Variants in SETD7 observed in about 807,000 individuals in gnomAD.
SETD7 encodes the protein histone-lysine N-methyltransferase SETD7.
In SETD7, 16 loss-of-function variants were observed where a neutral mutation model predicts 41.8. That is an observed-to-expected ratio of 0.38 (90% CI 0.26 to 0.58). The LOEUF is 0.58. Ranked by LOEUF, SETD7 falls within the 20% of genes least tolerant of loss-of-function variation. The probability of loss-of-function intolerance (pLI) is 0.64; values close to 1 mark genes in which losing one functional copy is unlikely to be tolerated. For synonymous variants in SETD7, 163 were observed against 169.7 expected (o/e 0.96, Z 0.31); for missense variants, 346 against 459.7 (o/e 0.75, Z 2.26).
At chr4:139,517,437 T>C (rs542098227) in intron 7 of SETD7, among the ~76,000 whole-genome samples, 27 of 143,286 alleles carry the variant, frequency 1.9e-4, no homozygotes, top group Middle Eastern at 7.5e-3. Flanking sequence ...ATCTCGCCAT[T>C]GCACTCCAGC....
In SETD7 at chr4:139,529,133, C is replaced by T. The variant is rs76651232; in HGVS notation, c.460G>A (p.Ala154Thr). The T allele has an allele frequency of 1.0e-3, 1,636 of 1,613,924 alleles. 2 individuals are homozygous for T. The highest frequency in any genetic ancestry group is 2.3e-3 in the African/African-American group (173 of 75,020). ...CCATCAATAAATTTCCCATAAAGTG[C>T]GGTCCTCTCATCAGGGTACACATAG... ...IAYVYPDERT[A>T]LYGKFIDGEM... The change falls in exon 4 of 8, where the codon GCA becomes ACA. Residue 154 changes from alanine (A) to threonine (T), a missense_variant. By Grantham distance (58) the Ala-to-Thr change is moderately conservative. This residue lies in a region of SETD7 where 266 missense variants were observed against 377.0 expected (regional missense o/e 0.71). Transcript: ENST00000274031.
chr4:139,532,952 G>A (rs989623984), intron 3 of SETD7: 13 of 580,178 alleles, frequency 2.2e-5, no homozygotes, highest in Admixed American at 9.4e-5. Flanking sequence ...CCAAAACAAC[G>A]CTGAAAAATA....
intron 1 of SETD7, 29 bp from the exon 2 acceptor site, chr4:139,547,078 T>C (rs773984019): frequency 3.1e-6 from 5 of 1,612,496 alleles, no homozygotes; most frequent in Non-Finnish European, 4.2e-6. Context: ...AAGGCAAACC[T>C]TAACATCTTC....
intron 3 of SETD7, among the ~76,000 whole-genome samples, chr4:139,531,637 T>C (rs757535965): frequency 6.6e-6 from 1 of 152,238 alleles, no homozygotes; most frequent in Non-Finnish European, 1.5e-5. Flanking sequence ...TTAGAAAATG[T>C]TTTACAACAT....
In SETD7 at chr4:139,517,932, C is replaced by T. The variant is rs768510990; in HGVS notation, c.873G>A (p.Leu291=). 23 of 1,613,734 alleles carry T rather than the reference C, an allele frequency of 1.4e-5. No homozygotes were observed. The East Asian group carries it at 4.5e-4, about 31-fold the overall frequency. The change falls in exon 7 of 8, where the codon TTG becomes TTA. Residue 291 remains leucine (L), a synonymous_variant. Transcript: ENST00000274031. ...TGAAGGAGTGATTTGCCTTGTGTCC[C>T]AAGGAGGCACAGTACTTGGATACGT... is the stretch of plus-strand genomic sequence containing the variant. ...YNHVSKYCAS[L]GHKANHSFTP...
chr4:139,515,500 G>A (rs1727001189), intron 7 of SETD7, among the ~76,000 whole-genome samples: 1 of 152,206 alleles, frequency 6.6e-6, no homozygotes, highest in African/African-American at 2.4e-5. Context: ...GTGGTCTTAA[G>A]TAGCATTTAT....
rs923034562 is a variant in SETD7 at position 139,551,538 on chromosome 4, T to C, written c.41-4489A>G. 2.6e-5 allele frequency among the ~76,000 whole-genome samples: 4 copies of C among 152,192 alleles called. 1 individual carries two copies. The highest frequency in any genetic ancestry group is 2.0e-4 in the Admixed American group (3 of 15,272). ...TCCTGAATCTGATAAGAGCCAGGCC[T>C]ATATTCTAAGCAGCAATGTACATCT... On this transcript the variant is annotated intron_variant, in intron 1 of 7. Transcript: ENST00000274031.
intron 6 of SETD7, among the ~76,000 whole-genome samples, chr4:139,518,462 T>TAAAAC (rs1297119009): frequency 9.2e-5 from 14 of 151,988 alleles, no homozygotes; most frequent in Middle Eastern, 3.4e-3. Flanking sequence ...CAAAATGAAA[T>TAAAAC]AAAACAAAAC....
chr4:139,502,408 C>T (rs967107201), downstream of SETD7, among the ~76,000 whole-genome samples: 3 of 152,106 alleles, frequency 2.0e-5, no homozygotes, highest in Non-Finnish European at 4.4e-5. Flanking sequence ...CAATGAAGTC[C>T]TCATGCAGCA....
At position 139,509,561 on chromosome 4, in the gene SETD7, G is replaced by T; in HGVS notation, c.*2102C>A. The stretch of plus-strand genomic sequence containing the variant: ...TCATTCAGAGCATAGCTGCATCGGG[G>T]GCATGACCAGCACTATCCTCTCCCT... On this transcript the variant is annotated 3_prime_UTR_variant, in exon 8 of 8. Coordinates refer to ENST00000274031, the MANE Select transcript of SETD7 (RefSeq NM_030648.4). The T allele has an allele frequency of 4.2e-6, 1 of 237,644 alleles. No individual in the cohort carries two copies. The highest frequency in any genetic ancestry group is 6.8e-6 in the Non-Finnish European group (1 of 146,252). 14.7% of individuals were successfully genotyped at this position (237,644 alleles called of 1,614,324 possible).
chr4:139,548,368 C>T lies in SETD7; in HGVS notation c.41-1319G>A, dbSNP rs113814006. On this transcript the variant is annotated intron_variant, in intron 1 of 7. Transcript: ENST00000274031. Reference sequence around the variant, plus strand: ...ATATGCGGCCGGGCATGGTGGCTCACGCCTATAATCCCAGCACTTTGGGAG... The same window carrying T: ...ATATGCGGCCGGGCATGGTGGCTCATGCCTATAATCCCAGCACTTTGGGAG... Among the ~76,000 whole-genome samples, 94 of 152,172 alleles carry T rather than the reference C, an allele frequency of 6.2e-4. 1 individual carries two copies. Among genetic ancestry groups the T allele is most frequent in the Non-Finnish European group, 2.2e-4 (15 of 68,020 alleles).
In SETD7 at chr4:139,511,081, C is replaced by G. The variant is rs1006186869; in HGVS notation, c.*582G>C. 1 of 152,566 alleles carries G rather than the reference C, an allele frequency of 6.6e-6. No homozygotes were observed. Among genetic ancestry groups the G allele is most frequent in the African/African-American group, 2.4e-5 (1 of 41,416 alleles). The allele number at this position is 152,566 out of a possible 1,614,324, so 9.5% of individuals were successfully genotyped here. ...GGAAGTTTTCTCTTGTAAAGGGTAT[C>G]TAAGAAAGAGAATAGGGCTGAGGGG... On this transcript the variant is annotated 3_prime_UTR_variant, in exon 8 of 8. Coordinates refer to ENST00000274031, the MANE Select transcript of SETD7 (RefSeq NM_030648.4).
rs959054887 is a variant in SETD7, at chr4:139,546,911, G to C, written c.170+9C>G. The C allele has an allele frequency of 2.5e-6, 4 of 1,614,158 alleles. No homozygotes were observed. The highest frequency in any genetic ancestry group is 1.6e-4 in the Middle Eastern group (1 of 6,062). On this transcript the variant is annotated intron_variant, in intron 2 of 7. Transcript: ENST00000274031. ...CCCCCAAAGAACAAAATAAAACTGT[G>C]AGTGCTACCTGCCATCAAAGAAGAA...
intron 3 of SETD7, among the ~76,000 whole-genome samples, chr4:139,529,557 T>A (rs1290756209): frequency 6.6e-6 from 1 of 152,216 alleles, no homozygotes; most frequent in Non-Finnish European, 1.5e-5. Context: ...TTGATATTTG[T>A]AACATCAATT....
rs1176576169 is a variant in SETD7, at chr4:139,529,194, T to C, written c.399A>G (p.Val133=). Residue 133 remains valine, a synonymous_variant, in exon 4 of 8, where the codon GTA becomes GTG. Coordinates refer to ENST00000274031, the MANE Select transcript of SETD7 (RefSeq NM_030648.4). ...YPDGGSLVGE[V]NEDGEMTGEK... Reference sequence around the variant, plus strand: ...CTCCAGTCATCTCCCCATCTTCATTTACTTCTCCTACAAGGCTTCCTCCAT... The same window carrying C: ...CTCCAGTCATCTCCCCATCTTCATTCACTTCTCCTACAAGGCTTCCTCCAT... 6.2e-7 allele frequency: 1 copy of C among 1,613,344 alleles called. No individual in the cohort carries two copies. Among genetic ancestry groups the C allele is most frequent in the East Asian group, 2.2e-5 (1 of 44,896 alleles).
chr4:139,501,684 G>C (rs1041879026), downstream of SETD7, among the ~76,000 whole-genome samples: 1 of 152,170 alleles, frequency 6.6e-6, no homozygotes, highest in African/African-American at 2.4e-5. Context: ...TGCCTAGAAA[G>C]TGCTTTGTGC....
Position 139,511,412 on chromosome 4 carries a change from C to T in SETD7, c.*251G>A. The T allele has an allele frequency of 8.2e-6, 4 of 489,466 alleles. No homozygotes were observed. In the South Asian group the frequency reaches 1.0e-4, roughly 13 times the overall value. The allele number at this position is 489,466 out of a possible 1,614,324, so 30.3% of individuals were successfully genotyped here. ...GATTTAGACTTGAACCACCAAAGAACATCACGCTGTCTTATGTCAAATGCT... is the reference window on the plus strand; with the variant it reads ...GATTTAGACTTGAACCACCAAAGAATATCACGCTGTCTTATGTCAAATGCT... On this transcript the variant is annotated 3_prime_UTR_variant, in exon 8 of 8. Transcript: ENST00000274031.
At chr4:139,528,360 A>G (rs776575570) in intron 4 of SETD7, among the ~76,000 whole-genome samples, 3 of 152,228 alleles carry the variant, frequency 2.0e-5, no homozygotes, top group Admixed American at 1.3e-4. Context: ...GGCTCAATCA[A>G]CTTTACAGTT....
chr4:139,543,728 G>T (rs571350254), intron 2 of SETD7, among the ~76,000 whole-genome samples: 1 of 151,218 alleles, frequency 6.6e-6, no homozygotes, highest in Non-Finnish European at 1.5e-5. Context: ...CAAGGCGGGC[G>T]GATCACGAGG....
Sources: allele counts gnomAD v4.1 joint callset (sites outside exome capture counted in the v4.1 genomes callset), GRCh38; gene constraint gnomAD v4.1.1; regional missense constraint gnomAD v4.1.1; transcripts MANE v1.5; gene names NCBI Gene and HGNC (gene_info 2026-07-23, HGNC 2026-07-21).